The following GMDS variants were observed in gnomAD, a reference collection of about 807,000 sequenced individuals.
The protein encoded by GMDS is GDP-mannose 4,6-dehydratase.
Under a neutral mutation model 49.9 loss-of-function variants are expected in GMDS, and 20 were observed. The observed-to-expected ratio is 0.40, with a 90% CI of 0.28 to 0.58. The LOEUF (loss-of-function observed/expected upper bound fraction) is 0.58. Ranked by LOEUF, GMDS falls within the 20% of genes least tolerant of loss-of-function variation. The pLI, the probability that GMDS is intolerant of heterozygous loss-of-function variation, is 0.42. For missense variants in GMDS, 362 were observed against 481.4 expected, an observed-to-expected ratio of 0.75 and a Z score of 2.32; for synonymous variants, 177 against 178.6, an observed-to-expected ratio of 0.99 and a Z score of 0.07.
At chr6:1,641,826 T>C (rs1581400223) in intron 9 of GMDS, among the ~76,000 whole-genome samples, 1 of 152,268 alleles carries the variant, frequency 6.6e-6, no homozygotes, top group Non-Finnish European at 1.5e-5. Context: ...TGTTGGATAT[T>C]TGGGGTCTGC....
chr6:2,181,136 C>G (rs1302560310), intron 1 of GMDS, among the ~76,000 whole-genome samples: 2 of 143,024 alleles, frequency 1.4e-5, no homozygotes, highest in Non-Finnish European at 1.5e-5. Context: ...GATCACACCA[C>G]TGCACTCCAT....
chr6:1,884,649 T>C (rs1340415391), intron 7 of GMDS, among the ~76,000 whole-genome samples: 1 of 152,238 alleles, frequency 6.6e-6, no homozygotes, highest in East Asian at 1.9e-4. Flanking sequence ...CACATTAGTG[T>C]CATGCTCATT....
chr6:2,165,653 T>C (rs1031583988), intron 1 of GMDS, among the ~76,000 whole-genome samples: 3 of 152,372 alleles, frequency 2.0e-5, no homozygotes, highest in South Asian at 2.1e-4. Context: ...AGTATGTTTA[T>C]CTCATAATCT....
At chr6:2,047,318 CA>C (rs1429210829) in intron 4 of GMDS, among the ~76,000 whole-genome samples, 3 of 152,090 alleles carry the variant, frequency 2.0e-5, no homozygotes, top group African/African-American at 7.2e-5. Context: ...GTGGATTCAC[CA>C]ATGTAATTTT....
chr6:2,150,835 T>C (rs1210097016), intron 1 of GMDS, among the ~76,000 whole-genome samples: 1 of 152,180 alleles, frequency 6.6e-6, no homozygotes, highest in African/African-American at 2.4e-5. Context: ...TGATACCTAA[T>C]ACAAGCTATC....
At chr6:1,726,036 T>C (rs1408775370) in intron 9 of GMDS, among the ~76,000 whole-genome samples, 2 of 152,132 alleles carry the variant, frequency 1.3e-5, no homozygotes, top group Admixed American at 1.3e-4. Flanking sequence ...GACATAGACA[T>C]AGCTGGAGAG....
chr6:2,059,516 G>T (rs1043627394), intron 4 of GMDS, among the ~76,000 whole-genome samples: 1 of 148,980 alleles, frequency 6.7e-6, no homozygotes, highest in Non-Finnish European at 1.5e-5. Context: ...AGACCATCCT[G>T]GCTAACACGG....
intron 9 of GMDS, among the ~76,000 whole-genome samples, chr6:1,696,000 C>G (rs760514733): frequency 6.7e-6 from 1 of 149,074 alleles, no homozygotes; most frequent in Non-Finnish European, 1.5e-5. Flanking sequence ...GTTGAACCCA[C>G]GTGGACCAGC....
chr6:1,734,125 C>T (rs1217798934), intron 8 of GMDS, among the ~76,000 whole-genome samples: 2 of 152,142 alleles, frequency 1.3e-5, no homozygotes, highest in Non-Finnish European at 2.9e-5. Context: ...CTGTGTATGG[C>T]CTCTTGCATT....
intron 9 of GMDS, among the ~76,000 whole-genome samples, chr6:1,627,354 G>A (rs1762875716): frequency 6.6e-6 from 1 of 152,202 alleles, no homozygotes; most frequent in Non-Finnish European, 1.5e-5. Context: ...AGCTCTAGAA[G>A]GAGAGCAAGG....
At position 2,000,135 on chromosome 6, in the gene GMDS, C is replaced by T. The variant is rs186946138; in HGVS notation, c.346-39169G>A. Among the ~76,000 whole-genome samples the T allele has an allele frequency of 1.9e-3, 259 of 134,948 alleles. 5 individuals are homozygous for T. The highest frequency in any genetic ancestry group is 0.017 in the Admixed American group (210 of 12,526). The allele number at this position is 134,948 out of a possible 152,430, so 88.5% of individuals were successfully genotyped here. Reference sequence around the variant, plus strand: ...CTGCAAGCTCCACTTCCCAGGTTCACGCCATTCTCCTGCCTCAGCCTCCCC... The same window carrying T: ...CTGCAAGCTCCACTTCCCAGGTTCATGCCATTCTCCTGCCTCAGCCTCCCC... On this transcript the variant is annotated intron_variant, in intron 4 of 10. Coordinates refer to ENST00000380815, the MANE Select transcript of GMDS (RefSeq NM_001500.4).
At chr6:1,637,286 G>T (rs537456166) in intron 9 of GMDS, among the ~76,000 whole-genome samples, 1 of 152,340 alleles carries the variant, frequency 6.6e-6, no homozygotes, top group South Asian at 2.1e-4. Flanking sequence ...ATCTCTCCAG[G>T]CCCAGGAGCC....
chr6:1,999,956 ATATT>A (rs1406524540), intron 4 of GMDS, among the ~76,000 whole-genome samples: 1 of 21,004 alleles, frequency 4.8e-5, no homozygotes, highest in Non-Finnish European at 1.0e-4. Flanking sequence ...TATAATATGT[ATATT>A]ATATATATAT....
At chr6:1,667,181 CG>C (rs1264520165) in intron 9 of GMDS, among the ~76,000 whole-genome samples, 5 of 152,204 alleles carry the variant, frequency 3.3e-5, no homozygotes, top group African/African-American at 4.8e-5. Flanking sequence ...GCGAGATGGC[CG>C]GCCTCAGACC....
intron 9 of GMDS, among the ~76,000 whole-genome samples, chr6:1,692,309 T>C (rs1765201739): frequency 6.6e-6 from 1 of 152,220 alleles, no homozygotes; most frequent in African/African-American, 2.4e-5. Flanking sequence ...TGGTGGGACT[T>C]CACCCTGTGA....
chr6:1,751,240 C>A (rs1650354071), intron 7 of GMDS, among the ~76,000 whole-genome samples: 1 of 152,216 alleles, frequency 6.6e-6, no homozygotes, highest in Admixed American at 6.5e-5. Context: ...CAGACTGCCT[C>A]CTCAAGTGGG....
chr6:1,698,600 G>C (rs191566575), intron 9 of GMDS, among the ~76,000 whole-genome samples: 3 of 152,228 alleles, frequency 2.0e-5, no homozygotes, highest in African/African-American at 7.2e-5. Context: ...AGTCAGGACC[G>C]CTGCTTTAAG....
intron 7 of GMDS, among the ~76,000 whole-genome samples, chr6:1,864,654 A>C (rs926105399): frequency 1.3e-4 from 20 of 152,226 alleles, no homozygotes; most frequent in African/African-American, 4.8e-4. Flanking sequence ...AATGGGAAAA[A>C]TGTGAACCTT....
chr6:2,200,820 C>A (rs560412816), intron 1 of GMDS, among the ~76,000 whole-genome samples: 5 of 143,528 alleles, frequency 3.5e-5, no homozygotes, highest in African/African-American at 7.9e-5. Context: ...AATGGGCATC[C>A]GAGATGTAAC....
Sources: gnomAD v4.1 joint callset for allele counts (sites outside exome capture counted in the v4.1 genomes callset) on GRCh38, gnomAD v4.1.1 for gene constraint, MANE v1.5 for transcripts, NCBI Gene and HGNC (gene_info 2026-07-23, HGNC 2026-07-21) for gene names.